The following MCCC1 variants were observed in gnomAD, a reference collection of about 807,000 sequenced individuals.
MCCC1 encodes the protein methylcrotonoyl-CoA carboxylase subunit alpha, mitochondrial.
MCCC1 carries 64 observed loss-of-function variants against 83.8 expected under a neutral mutation model. That is an observed-to-expected ratio of 0.76 (90% CI 0.62 to 0.94). MCCC1 has a LOEUF of 0.94. Ranked by LOEUF, MCCC1 falls within the 40% of genes least tolerant of loss-of-function variation. MCCC1 has a pLI of 0.00. For missense variants in MCCC1, 807 were observed against 904.7 expected, an observed-to-expected ratio of 0.89 and a Z score of 1.39; for synonymous variants, 322 against 315.4, an observed-to-expected ratio of 1.02 and a Z score of -0.22.
chr3:183,099,212 A>G (rs1577375913), intron 1 of MCCC1, 140 bp downstream of exon 1: 3 of 928,034 alleles, frequency 3.2e-6, no homozygotes, highest in Admixed American at 4.2e-5. Context: ...TGCCGGCAGA[A>G]CCCCTCCGAA....
At chr3:183,101,982 A>G (rs139496785), upstream of MCCC1, among the ~76,000 whole-genome samples, 566 of 152,222 alleles carry the variant, frequency 3.7e-3, 4 homozygotes, top group Non-Finnish European at 6.9e-3. Flanking sequence ...AACTCCGAAC[A>G]CATCTGAACA....
upstream of MCCC1, among the ~76,000 whole-genome samples, chr3:183,101,090 C>G: frequency 6.6e-6 from 1 of 152,390 alleles, no homozygotes; most frequent in East Asian, 1.9e-4. Context: ...GCTGGCCCAC[C>G]GGCGCTGCGC....
At chr3:183,032,005 A>C (rs896165136) in intron 14 of MCCC1, among the ~76,000 whole-genome samples, 4 of 151,968 alleles carry the variant, frequency 2.6e-5, no homozygotes, top group Non-Finnish European at 5.9e-5. Context: ...CATTCTATTT[A>C]ATTGTGGTCA....
chr3:183,026,526 A>G (rs1712617096), intron 14 of MCCC1, among the ~76,000 whole-genome samples: 1 of 152,098 alleles, frequency 6.6e-6, no homozygotes, highest in Admixed American at 6.5e-5. Context: ...CCTGACCAAC[A>G]TGGTGAAACC....
chr3:183,089,393 C>A (rs1344866960), intron 3 of MCCC1, among the ~76,000 whole-genome samples: 2 of 151,988 alleles, frequency 1.3e-5, no homozygotes, highest in Non-Finnish European at 2.9e-5. Context: ...GTGGCTTATG[C>A]CTATAATCCC....
At chr3:183,097,312 A>G (rs1224359056) in intron 1 of MCCC1, among the ~76,000 whole-genome samples, 2 of 152,008 alleles carry the variant, frequency 1.3e-5, no homozygotes, top group African/African-American at 4.8e-5. Flanking sequence ...TGTCATGTCT[A>G]TAATTCTGCC....
chr3:183,057,225 C>T (rs1309114179), intron 8 of MCCC1, 86 bp downstream of exon 8: 1 of 1,117,634 alleles, frequency 8.9e-7, no homozygotes, highest in Non-Finnish European at 1.3e-6. Context: ...GGGTGAGAGA[C>T]ACCAGATTCA....
chr3:183,088,057 G>T lies in MCCC1; in HGVS notation c.274-1269C>A, dbSNP rs191451620. Among the ~76,000 whole-genome samples the T allele has an allele frequency of 6.7e-4, 102 of 152,166 alleles. No individual in the cohort carries two copies. In the Middle Eastern group the frequency reaches 0.01, roughly 15 times the overall value. Reference sequence around the variant, plus strand: ...GGCTTGTGTGGCTGGAACACAATGAGCAAGGGGTCCAGGGGCCAGAGAGGA... The same window carrying T: ...GGCTTGTGTGGCTGGAACACAATGATCAAGGGGTCCAGGGGCCAGAGAGGA... On this transcript the variant is annotated intron_variant, in intron 3 of 18. Coordinates refer to ENST00000265594, the MANE Select transcript of MCCC1 (RefSeq NM_020166.5).
intron 14 of MCCC1, among the ~76,000 whole-genome samples, chr3:183,027,359 C>G (rs899635695): frequency 1.3e-5 from 2 of 152,126 alleles, no homozygotes; most frequent in Non-Finnish European, 2.9e-5. Context: ...CACTTTAAAT[C>G]AAAAGCTAGA....
rs577122393 is a variant in MCCC1 at position 183,036,830 on chromosome 3, C to G, written c.1594+388G>C. Among the ~76,000 whole-genome samples, 6 of 152,166 alleles carry G rather than the reference C, an allele frequency of 3.9e-5. No individual in the cohort carries two copies. In the South Asian group the frequency reaches 1.2e-3, roughly 32 times the overall value. On this transcript the variant is annotated intron_variant, in intron 13 of 18. Coordinates refer to ENST00000265594, the MANE Select transcript of MCCC1 (RefSeq NM_020166.5). ...CTGGGATCACAGGCACGTGCCACCA[C>G]GCCCAGCTAATTTTTTGTATTTTTA...
rs1338422554 is a variant in MCCC1, at chr3:183,115,392, T to C, written c.-102+82A>G. The C allele has an allele frequency of 3.9e-5, 6 of 152,210 alleles. No homozygotes were observed. In the East Asian group the frequency reaches 1.2e-3, roughly 29 times the overall value. The allele number at this position is 152,210 out of a possible 1,614,324, so 9.4% of individuals were successfully genotyped here. A position where few individuals can be genotyped will look rare whatever the true frequency, so the allele number is the denominator to read the frequency against. On this transcript the variant is annotated intron_variant, in intron 1 of 17. Coordinates refer to the MCCC1 transcript ENST00000492597. ...CCATGTTCAAGAATCTACCCTGAGG[T>C]CAGTGAATTCTTGCTCACCCAGATT...
rs778907392 is a variant in MCCC1, at chr3:183,037,314, G to A, written c.1498C>T (p.Arg500Trp). 44 of 1,613,954 alleles carry A rather than the reference G, an allele frequency of 2.7e-5. No homozygotes were observed. Among genetic ancestry groups the A allele is most frequent in the Middle Eastern group, 1.6e-4 (1 of 6,084 alleles). Residue 500 changes from arginine (R) to tryptophan (W), a missense_variant, in exon 13 of 19, where the codon CGG (arginine) becomes TGG (tryptophan). Physicochemically the swap from Arg to Trp is moderately radical, Grantham distance 101. Transcript: ENST00000265594. ...PQHHKQLLLS[R>W]KAAAKESLCQ... is the part of the protein sequence containing the mutation. ...AAAGACTCTTTGGCTGCAGCCTTCCGACTGAGCAACAACTGTTTGTGGTGT... is the reference window on the plus strand; with the variant it reads ...AAAGACTCTTTGGCTGCAGCCTTCCAACTGAGCAACAACTGTTTGTGGTGT...
At chr3:183,030,539 A>T (rs1265612464) in intron 14 of MCCC1, among the ~76,000 whole-genome samples, 1 of 152,110 alleles carries the variant, frequency 6.6e-6, no homozygotes, top group African/African-American at 2.4e-5. Flanking sequence ...TCTGCATACA[A>T]AACACCCACT....
At chr3:183,084,288 C>T (rs1717730476) in intron 4 of MCCC1, among the ~76,000 whole-genome samples, 1 of 152,214 alleles carries the variant, frequency 6.6e-6, no homozygotes, top group African/African-American at 2.4e-5. Context: ...TTTGGAATAA[C>T]ATCATGCAAC....
intron 15 of MCCC1, among the ~76,000 whole-genome samples, chr3:183,023,125 CA>C (rs1712295599): frequency 6.6e-6 from 1 of 152,086 alleles, no homozygotes; most frequent in Admixed American, 6.6e-5. Flanking sequence ...GACCATATGC[CA>C]AAGAACAAAG....
intron 14 of MCCC1, among the ~76,000 whole-genome samples, chr3:183,029,976 C>T (rs1420523702): frequency 4.6e-5 from 7 of 152,160 alleles, no homozygotes; most frequent in South Asian, 4.1e-4. Flanking sequence ...CCTCCATGGA[C>T]GGCCTGATGC....
chr3:183,099,099 A>G (rs565938206), intron 1 of MCCC1: 11 of 587,446 alleles, frequency 1.9e-5, no homozygotes, highest in African/African-American at 1.5e-4. Flanking sequence ...CCCAGTCCTC[A>G]GAAATGGAAA....
intron 1 of MCCC1, among the ~76,000 whole-genome samples, chr3:183,095,112 T>A (rs946234372): frequency 6.6e-6 from 1 of 151,978 alleles, no homozygotes; most frequent in Non-Finnish European, 1.5e-5. Context: ...TGAAACCCTG[T>A]CTCTACTGAA....
rs572053419 is a variant in MCCC1 at position 183,022,041 on chromosome 3, A to G, written c.1869+376T>C. Among the ~76,000 whole-genome samples, 8 of 152,152 alleles carry G rather than the reference A, an allele frequency of 5.3e-5. No homozygotes were observed. In the South Asian group the frequency reaches 8.4e-4, roughly 16 times the overall value. ...TCTCTCAGTGGTCACCTCCTCCAAA[A>G]TCACCAGGATTCCAGTTGTCAGGGG... On this transcript the variant is annotated intron_variant, in intron 16 of 18. Coordinates refer to ENST00000265594, the MANE Select transcript of MCCC1 (RefSeq NM_020166.5).
Sources: allele counts gnomAD v4.1 joint callset (sites outside exome capture counted in the v4.1 genomes callset), GRCh38; gene constraint gnomAD v4.1.1; transcripts MANE v1.5; gene names NCBI Gene and HGNC (gene_info 2026-07-23, HGNC 2026-07-21).